The following FAM168A variants were observed in gnomAD, a reference collection of about 807,000 sequenced individuals.
FAM168A encodes the protein protein FAM168A.
In FAM168A, 3 loss-of-function variants were observed where a neutral mutation model predicts 28.5. The observed-to-expected ratio is 0.11, with a 90% CI of 0.05 to 0.27. The LOEUF (loss-of-function observed/expected upper bound fraction) is 0.27. FAM168A is among the 10% of genes least tolerant of loss of function. The pLI is 1.00. For synonymous variants in FAM168A, 122 were observed against 124.2 expected, an observed-to-expected ratio of 0.98 and a Z score of 0.12; for missense variants, 222 against 311.5, an observed-to-expected ratio of 0.71 and a Z score of 2.16.
At chr11:73,520,242 G>T (rs1943358947) in intron 1 of FAM168A, among the ~76,000 whole-genome samples, 1 of 151,776 alleles carries the variant, frequency 6.6e-6, no homozygotes, top group African/African-American at 2.4e-5. Flanking sequence ...TAGAGATGGG[G>T]TTTCACCATG....
rs540156187 is a variant in FAM168A, at chr11:73,433,973, G to T, written c.71-3203C>A. On this transcript the variant is annotated intron_variant, in intron 2 of 7. Transcript: ENST00000356467. ...AGATTATCCTGCCTCAACTTCCCAAGTAGTTGGTATTACAGGCACATACCA... is the reference window on the plus strand; with the variant it reads ...AGATTATCCTGCCTCAACTTCCCAATTAGTTGGTATTACAGGCACATACCA... 1.1e-4 allele frequency among the ~76,000 whole-genome samples: 16 copies of T among 149,976 alleles called. No homozygotes were observed. The East Asian group carries it at 3.2e-3, about 30-fold the overall frequency.
intron 2 of FAM168A, among the ~76,000 whole-genome samples, chr11:73,433,231 G>T (rs1408995051): frequency 3.3e-5 from 5 of 151,262 alleles, no homozygotes; most frequent in Admixed American, 3.3e-4. Context: ...TCATTGGGTG[G>T]TTTGTCTTTT....
chr11:73,476,836 C>T (rs1867895187), intron 1 of FAM168A, among the ~76,000 whole-genome samples: 1 of 151,982 alleles, frequency 6.6e-6, no homozygotes, highest in African/African-American at 2.4e-5. Flanking sequence ...CAAACGTGAG[C>T]TGGCAGAAGA....
At chr11:73,524,459 T>G (rs1229875540) in intron 1 of FAM168A, among the ~76,000 whole-genome samples, 1 of 151,950 alleles carries the variant, frequency 6.6e-6, no homozygotes, top group Non-Finnish European at 1.5e-5. Flanking sequence ...AAATTAATAT[T>G]CTTAAATTTA....
chr11:73,492,569 A>T (rs12282871), intron 1 of FAM168A, among the ~76,000 whole-genome samples: 7,255 of 152,196 alleles, frequency 0.048, 547 homozygotes, highest in African/African-American at 0.16. Context: ...TTAAGCCTGG[A>T]GGTCAAGGCT....
Position 73,428,305 on chromosome 11 carries a change from C to T in FAM168A, c.151+2385G>A, listed in dbSNP as rs541530421. Among the ~76,000 whole-genome samples, 12 of 152,292 alleles carry T rather than the reference C, an allele frequency of 7.9e-5. No homozygotes were observed. The South Asian group carries it at 2.5e-3, about 32-fold the overall frequency. ...ACCCCACACTCATACCTGAGAAAAC[C>T]TTCCTTCAACCCTACATTCACTTCT... is the stretch of plus-strand genomic sequence containing the variant. On this transcript the variant is annotated intron_variant, in intron 3 of 7. Coordinates refer to ENST00000356467, the MANE Select transcript of FAM168A (RefSeq NM_015159.3).
At chr11:73,549,841 G>C (rs1280099686) in intron 1 of FAM168A, among the ~76,000 whole-genome samples, 1 of 152,172 alleles carries the variant, frequency 6.6e-6, no homozygotes, top group Non-Finnish European at 1.5e-5. Context: ...GAAAGTCTTT[G>C]TCTAGTCCTT....
intron 1 of FAM168A, among the ~76,000 whole-genome samples, chr11:73,539,111 T>C (rs749294568): frequency 1.2e-4 from 19 of 152,230 alleles, no homozygotes; most frequent in Non-Finnish European, 2.2e-4. Context: ...CAATCTGCTA[T>C]GCAACTTAGG....
intron 5 of FAM168A, 140 bp downstream of exon 5, chr11:73,411,253 CT>C: frequency 2.2e-6 from 2 of 914,312 alleles, no homozygotes; most frequent in Non-Finnish European, 1.6e-6. Context: ...AGGGATATTG[CT>C]TCAGTGATAC....
intron 1 of FAM168A, among the ~76,000 whole-genome samples, chr11:73,494,962 T>C (rs954918908): frequency 6.7e-6 from 1 of 149,192 alleles, no homozygotes; most frequent in African/African-American, 2.5e-5. Context: ...GCCAAGATCA[T>C]GCCAATGAAC....
At chr11:73,453,687 T>C (rs1175577781) in intron 2 of FAM168A, among the ~76,000 whole-genome samples, 1 of 152,204 alleles carries the variant, frequency 6.6e-6, no homozygotes, top group African/African-American at 2.4e-5. Flanking sequence ...AAGGAACTTA[T>C]TAAAGTTTTT....
At chr11:73,586,779 T>C (rs1944317841) in intron 1 of FAM168A, among the ~76,000 whole-genome samples, 1 of 152,188 alleles carries the variant, frequency 6.6e-6, no homozygotes, top group Non-Finnish European at 1.5e-5. Flanking sequence ...GGAGACCTAA[T>C]ATACCTTAAA....
intron 1 of FAM168A, among the ~76,000 whole-genome samples, chr11:73,523,222 T>C (rs1278112191): frequency 6.6e-6 from 1 of 152,164 alleles, no homozygotes; most frequent in African/African-American, 2.4e-5. Flanking sequence ...CTAAAAACCT[T>C]TGGTCCCCTA....
intron 1 of FAM168A, among the ~76,000 whole-genome samples, chr11:73,576,830 A>C (rs1944182486): frequency 6.6e-6 from 1 of 152,160 alleles, no homozygotes; most frequent in Non-Finnish European, 1.5e-5. Flanking sequence ...AAATAAACAC[A>C]GAGAGACAAG....
At chr11:73,458,889 C>T (rs551361108) in intron 2 of FAM168A, among the ~76,000 whole-genome samples, 3 of 152,298 alleles carry the variant, frequency 2.0e-5, no homozygotes, top group East Asian at 1.9e-4. Flanking sequence ...GGATTACAGG[C>T]GTGAGCCACT....
At chr11:73,544,710 T>C (rs1247255446) in intron 1 of FAM168A, among the ~76,000 whole-genome samples, 1 of 121,704 alleles carries the variant, frequency 8.2e-6, no homozygotes, top group Non-Finnish European at 1.6e-5. Context: ...TAATTATATA[T>C]AATTATATAT....
chr11:73,455,973 A>C (rs1054729655), intron 2 of FAM168A, among the ~76,000 whole-genome samples: 3 of 152,228 alleles, frequency 2.0e-5, no homozygotes, highest in African/African-American at 7.2e-5. Context: ...ATTCAGCATG[A>C]ACAAAGAAAA....
At chr11:73,528,735 A>G (rs1018035455) in intron 1 of FAM168A, among the ~76,000 whole-genome samples, 2 of 152,114 alleles carry the variant, frequency 1.3e-5, no homozygotes, top group African/African-American at 4.8e-5. Context: ...AAGTAATGAG[A>G]CCAGGGTCCC....
intron 1 of FAM168A, among the ~76,000 whole-genome samples, chr11:73,546,667 G>C (rs1943757628): frequency 6.6e-6 from 1 of 151,658 alleles, no homozygotes; most frequent in Non-Finnish European, 1.5e-5. Context: ...GGGAGGTGGA[G>C]GTTGCAGCGA....
Sources: allele counts gnomAD v4.1 joint callset (sites outside exome capture counted in the v4.1 genomes callset), GRCh38; gene constraint gnomAD v4.1.1; transcripts MANE v1.5; gene names NCBI Gene and HGNC (gene_info 2026-07-23, HGNC 2026-07-21).